The following PREX1 variants were observed in gnomAD, a reference collection of about 807,000 sequenced individuals.
The protein encoded by PREX1 is phosphatidylinositol-3,4,5-trisphosphate dependent Rac exchange factor 1.
Under a neutral mutation model 198.3 loss-of-function variants are expected in PREX1, and 41 were observed. The ratio of observed to expected loss-of-function variants is 0.21; its 90% confidence interval spans 0.16 to 0.27. The LOEUF is 0.27. PREX1 is among the 10% of genes least tolerant of loss of function. PREX1 has a pLI of 1.00. For synonymous variants in PREX1, 843 were observed against 887.2 expected (o/e 0.95, Z 0.89); for missense variants, 1,620 against 2,200.7 (o/e 0.74, Z 5.28).
chr20:48,736,431 G>A (rs2122733571), intron 3 of PREX1, among the ~76,000 whole-genome samples: 1 of 152,308 alleles, frequency 6.6e-6, no homozygotes, highest in East Asian at 1.9e-4. Context: ...CACATGCACT[G>A]AGTCACAAAC....
chr20:48,755,862 TA>T (rs2090154040), intron 1 of PREX1, among the ~76,000 whole-genome samples: 1 of 152,262 alleles, frequency 6.6e-6, no homozygotes, highest in Non-Finnish European at 1.5e-5. Flanking sequence ...TCCAGATTTC[TA>T]CAATGAACAT....
At position 48,719,873 on chromosome 20, in the gene PREX1, T is replaced by A. The variant is rs545762647; in HGVS notation, c.621+6417A>T. Reference sequence around the variant, plus strand: ...CCATTAGAACTAAGGCAGATCCCATTCCTCCCTGCTCAGAACCTTCCCATG... The same window carrying A: ...CCATTAGAACTAAGGCAGATCCCATACCTCCCTGCTCAGAACCTTCCCATG... On this transcript the variant is annotated intron_variant, in intron 5 of 39. Transcript: ENST00000371941. 7.9e-5 allele frequency among the ~76,000 whole-genome samples: 12 copies of A among 152,054 alleles called. No individual in the cohort carries two copies. The East Asian group carries it at 2.3e-3, about 30-fold the overall frequency.
chr20:48,697,910 C>G (rs1159774107), intron 7 of PREX1, among the ~76,000 whole-genome samples: 1 of 152,220 alleles, frequency 6.6e-6, no homozygotes, highest in Non-Finnish European at 1.5e-5. Context: ...GACCCATATC[C>G]TGGATGGGTG....
chr20:48,651,761 A>C (rs7260928), intron 21 of PREX1, among the ~76,000 whole-genome samples, 178 bp from the exon 22 acceptor site: 2,880 of 152,340 alleles, frequency 0.019, 96 homozygotes, highest in African/African-American at 0.067. Context: ...AAGGTGTTGG[A>C]GAGCCAGTCT....
intron 1 of PREX1, among the ~76,000 whole-genome samples, chr20:48,806,896 G>A (rs1334098457): frequency 6.6e-6 from 1 of 152,224 alleles, no homozygotes; most frequent in Non-Finnish European, 1.5e-5. Context: ...GGAAAAGGAA[G>A]TCAGAGATGC....
chr20:48,856,829 T>C, the PREX1 span, among the ~76,000 whole-genome samples: 3 of 152,184 alleles, frequency 2.0e-5, no homozygotes, highest in Non-Finnish European at 4.4e-5. Flanking sequence ...TTTCAAAACA[T>C]TCCCCTAAAT....
chr20:48,637,639 G>A, intron 31 of PREX1, 72 bp downstream of exon 31: 1 of 1,434,336 alleles, frequency 7.0e-7, no homozygotes, highest in South Asian at 1.3e-5. Context: ...AGGCCCCGAG[G>A]GCATGGATGG....
chr20:48,718,679 A>G (rs919656204), intron 5 of PREX1, among the ~76,000 whole-genome samples: 17 of 152,352 alleles, frequency 1.1e-4, no homozygotes, highest in African/African-American at 4.1e-4. Context: ...GTCAACCACA[A>G]AAGGAGAAAT....
intron 14 of PREX1, among the ~76,000 whole-genome samples, chr20:48,673,482 G>A (rs545507958): frequency 2.0e-5 from 3 of 152,164 alleles, no homozygotes; most frequent in African/African-American, 4.8e-5. Context: ...GACACCAACA[G>A]GCAGCTCTGA....
rs1351081668 is a variant in PREX1 at position 48,625,114 on chromosome 20, CCT to C, written c.*769_*770del. The C allele has an allele frequency of 1.0e-4, 16 of 152,514 alleles. No homozygotes were observed. Among genetic ancestry groups the C allele is most frequent in the South Asian group, 6.2e-4 (3 of 4,814 alleles). The allele number at this position is 152,514 out of a possible 1,614,324, so 9.4% of individuals were successfully genotyped here. On this transcript the variant is annotated 3_prime_UTR_variant, in exon 40 of 40. Transcript: ENST00000371941. ...TGTCAATACTACCTTCTGTTGGTCCCCTGTTAGACAACATACCTTTCTTTGAA... is the reference window on the plus strand; with the variant it reads ...TGTCAATACTACCTTCTGTTGGTCCCGTTAGACAACATACCTTTCTTTGAA...
chr20:48,659,133 G>A (rs1252465429), intron 16 of PREX1, among the ~76,000 whole-genome samples: 1 of 140,544 alleles, frequency 7.1e-6, no homozygotes, highest in Non-Finnish European at 1.5e-5. Context: ...GGAGGCAGAG[G>A]AGAGGAGAGA....
chr20:48,680,222 C>T (rs1261691000), intron 11 of PREX1, among the ~76,000 whole-genome samples: 1 of 152,124 alleles, frequency 6.6e-6, no homozygotes, highest in Non-Finnish European at 1.5e-5. Context: ...ATTAGCAATG[C>T]CTATAAGGCC....
intron 3 of PREX1, among the ~76,000 whole-genome samples, chr20:48,735,227 A>G (rs2090051676): frequency 6.6e-6 from 1 of 152,160 alleles, no homozygotes; most frequent in African/African-American, 2.4e-5. Context: ...CAGATGGTTC[A>G]CAGAACCCGC....
intron 1 of PREX1, among the ~76,000 whole-genome samples, chr20:48,804,884 G>A (rs965410072): frequency 3.9e-5 from 6 of 152,220 alleles, no homozygotes; most frequent in African/African-American, 1.2e-4. Context: ...GGAGGGGGCC[G>A]CAAGAGGAGT....
At chr20:48,742,944 C>G (rs534315473) in intron 3 of PREX1, among the ~76,000 whole-genome samples, 55 of 152,288 alleles carry the variant, frequency 3.6e-4, no homozygotes, top group African/African-American at 1.3e-3. Context: ...CCTTGAGGAC[C>G]CTTTCTCCCA....
At chr20:48,884,957 G>T in the PREX1 span, among the ~76,000 whole-genome samples, 12 of 152,180 alleles carry the variant, frequency 7.9e-5, no homozygotes, top group Non-Finnish European at 1.5e-5. Flanking sequence ...TCTGGATAAT[G>T]TCCATGCATG....
chr20:48,628,872 A>C (rs1434831861), intron 37 of PREX1, among the ~76,000 whole-genome samples: 13 of 152,208 alleles, frequency 8.5e-5, no homozygotes, highest in Admixed American at 8.5e-4. Flanking sequence ...AGAGAACAAA[A>C]GGGGCCCCTG....
At chr20:48,633,962 G>T (rs2089336240) in intron 33 of PREX1, among the ~76,000 whole-genome samples, 1 of 152,168 alleles carries the variant, frequency 6.6e-6, no homozygotes, top group Admixed American at 6.5e-5. Flanking sequence ...GTAAATAGAT[G>T]GATGGATGGA....
intron 1 of PREX1, among the ~76,000 whole-genome samples, chr20:48,815,563 T>A (rs1331024609): frequency 6.6e-6 from 1 of 152,138 alleles, no homozygotes; most frequent in African/African-American, 2.4e-5. Flanking sequence ...ACAGACAACA[T>A]CTGGCGTAAA....
Sources: gnomAD v4.1 joint callset for allele counts (sites outside exome capture counted in the v4.1 genomes callset) on GRCh38, gnomAD v4.1.1 for gene constraint, MANE v1.5 for transcripts, NCBI Gene and HGNC (gene_info 2026-07-23, HGNC 2026-07-21) for gene names.